FSTL4: variants seen among roughly 807,000 people sequenced by gnomAD.
The protein encoded by FSTL4 is follistatin-related protein 4.
In FSTL4, 28 loss-of-function variants were observed where a neutral mutation model predicts 78.2. The ratio of observed to expected loss-of-function variants is 0.36; its 90% confidence interval spans 0.27 to 0.49. The LOEUF is 0.49. FSTL4 is among the 20% of genes least tolerant of loss of function. The probability of loss-of-function intolerance (pLI) is 0.98; values close to 1 mark genes in which losing one functional copy is unlikely to be tolerated. For synonymous variants in FSTL4, 422 were observed against 440.5 expected (o/e 0.96, Z 0.53); for missense variants, 922 against 1,084.9 (o/e 0.85, Z 2.11).
chr5:133,508,171 C>A (rs999971628), intron 3 of FSTL4, among the ~76,000 whole-genome samples: 4 of 152,156 alleles, frequency 2.6e-5, no homozygotes, highest in Admixed American at 2.6e-4. Context: ...AGCACCACCC[C>A]CTCAAAGTGA....
chr5:133,350,233 G>A (rs920530615), intron 4 of FSTL4, among the ~76,000 whole-genome samples: 1 of 152,256 alleles, frequency 6.6e-6, no homozygotes, highest in African/African-American at 2.4e-5. Flanking sequence ...GACTGTAAAA[G>A]ACCCATGGGA....
chr5:133,722,519 C>T, the FSTL4 span, among the ~76,000 whole-genome samples: 1 of 152,154 alleles, frequency 6.6e-6, no homozygotes, highest in Admixed American at 6.5e-5. Flanking sequence ...ATTAAGTTGT[C>T]TATTTATATT....
At chr5:133,689,338 C>A in the FSTL4 span, among the ~76,000 whole-genome samples, 1 of 152,190 alleles carries the variant, frequency 6.6e-6, no homozygotes, top group African/African-American at 2.4e-5. Context: ...GTCAACAGCA[C>A]AACTGAACCC....
At chr5:133,616,323 A>ATCTG (rs1761198454), upstream of FSTL4, among the ~76,000 whole-genome samples, 1 of 150,928 alleles carries the variant, frequency 6.6e-6, no homozygotes, top group South Asian at 2.1e-4. Flanking sequence ...CTATCTATCT[A>ATCTG]TCTATCTATC....
chr5:133,475,949 G>A (rs997181305), intron 3 of FSTL4, among the ~76,000 whole-genome samples: 1 of 152,136 alleles, frequency 6.6e-6, no homozygotes, highest in Non-Finnish European at 1.5e-5. Flanking sequence ...GAGGAGTCTG[G>A]GCGAATAAGG....
chr5:133,532,009 C>T (rs1053800932), intron 3 of FSTL4, among the ~76,000 whole-genome samples: 5 of 152,172 alleles, frequency 3.3e-5, no homozygotes, highest in South Asian at 4.1e-4. Context: ...CACTGCAAAA[C>T]GGACTTTACA....
chr5:133,788,511 G>A, the FSTL4 span, among the ~76,000 whole-genome samples: 1 of 152,196 alleles, frequency 6.6e-6, no homozygotes, highest in Non-Finnish European at 1.5e-5. Context: ...CCACGGCCCT[G>A]ATGGTGACAA....
chr5:133,279,811 A>T (rs1752970880), intron 6 of FSTL4, among the ~76,000 whole-genome samples: 1 of 152,222 alleles, frequency 6.6e-6, no homozygotes, highest in Admixed American at 6.5e-5. Flanking sequence ...GGATCTTTGC[A>T]CATATAATTA....
chr5:133,396,448 A>G (rs756387176), intron 4 of FSTL4, among the ~76,000 whole-genome samples: 1 of 152,070 alleles, frequency 6.6e-6, no homozygotes, highest in Non-Finnish European at 1.5e-5. Context: ...AGGCCCCAGC[A>G]CCTCTTGCTA....
At chr5:133,793,996 C>T in the FSTL4 span, among the ~76,000 whole-genome samples, 1 of 152,244 alleles carries the variant, frequency 6.6e-6, no homozygotes, top group African/African-American at 2.4e-5. Flanking sequence ...GCTTCTGAGA[C>T]TCCTTGGCAA....
chr5:133,475,382 G>C (rs1757908501), intron 3 of FSTL4, among the ~76,000 whole-genome samples: 2 of 152,186 alleles, frequency 1.3e-5, no homozygotes, highest in African/African-American at 4.8e-5. Flanking sequence ...TGGGAACGGG[G>C]AGGCCAGGAG....
At chr5:133,339,420 A>C (rs1199612337) in intron 4 of FSTL4, among the ~76,000 whole-genome samples, 1 of 151,966 alleles carries the variant, frequency 6.6e-6, no homozygotes, top group Admixed American at 6.6e-5. Flanking sequence ...GCATGTCACT[A>C]TCCTGACCAC....
At chr5:133,355,863 C>T (rs1431158161) in intron 4 of FSTL4, among the ~76,000 whole-genome samples, 1 of 152,200 alleles carries the variant, frequency 6.6e-6, no homozygotes, top group Non-Finnish European at 1.5e-5. Context: ...CTCCTTGAAA[C>T]CAACACCCAT....
chr5:133,311,581 G>A (rs1381043427), intron 6 of FSTL4, among the ~76,000 whole-genome samples: 1 of 152,176 alleles, frequency 6.6e-6, no homozygotes, highest in Non-Finnish European at 1.5e-5. Context: ...CCCTCTTCAG[G>A]CCTTGTGAAG....
intron 13 of FSTL4, among the ~76,000 whole-genome samples, chr5:133,214,909 T>C (rs1367140115): frequency 6.6e-6 from 1 of 152,230 alleles, no homozygotes; most frequent in Non-Finnish European, 1.5e-5. Context: ...CTTCCAGGCA[T>C]TGCCTCATTT....
intron 4 of FSTL4, among the ~76,000 whole-genome samples, chr5:133,383,796 G>T (rs1401566520): frequency 2.6e-5 from 4 of 152,160 alleles, no homozygotes; most frequent in Non-Finnish European, 2.9e-5. Context: ...CAGCTTGCTG[G>T]TCGAGGCGTG....
In FSTL4 at chr5:133,611,571, C is replaced by G. The variant is rs1761093314; in HGVS notation, c.-11+754G>C. On this transcript the variant is annotated intron_variant, in intron 1 of 15. Transcript: ENST00000265342. The surrounding 1 kb of genome is among the most constrained non-coding windows in gnomAD (Gnocchi z 4.9). ...GCAAGCTCTCTTAGGACCAAGCCCC[C>G]AGCCCGAACGCTGAACGCCCCCAAC... Among the ~76,000 whole-genome samples, 1 of 152,196 alleles carries G rather than the reference C, an allele frequency of 6.6e-6. No individual in the cohort carries two copies.
chr5:133,559,420 T>G (rs544232221), intron 3 of FSTL4, among the ~76,000 whole-genome samples: 1 of 152,304 alleles, frequency 6.6e-6, no homozygotes, highest in South Asian at 2.1e-4. Flanking sequence ...AGGGTGAGTC[T>G]CCTGGGTAGG....
chr5:133,439,990 G>A (rs1212595372), intron 3 of FSTL4, among the ~76,000 whole-genome samples: 1 of 152,194 alleles, frequency 6.6e-6, no homozygotes, highest in African/African-American at 2.4e-5. Context: ...TAAGCATAGA[G>A]GATCTGTTCA....
Sources: allele counts gnomAD v4.1 joint callset (sites outside exome capture counted in the v4.1 genomes callset), GRCh38; gene constraint gnomAD v4.1.1; non-coding constraint Gnocchi (gnomAD v3.1); transcripts MANE v1.5; gene names NCBI Gene and HGNC (gene_info 2026-07-23, HGNC 2026-07-21).